Variants in TMX3 observed in about 807,000 individuals in gnomAD.
TMX3 encodes the protein thioredoxin related transmembrane protein 3.
TMX3 carries 40 observed loss-of-function variants against 64.4 expected under a neutral mutation model. The observed-to-expected ratio is 0.62, with a 90% CI of 0.48 to 0.81. TMX3 has a LOEUF of 0.81. Ranked by LOEUF, TMX3 falls within the 30% of genes least tolerant of loss-of-function variation. The pLI, the probability that TMX3 is intolerant of heterozygous loss-of-function variation, is 0.00. For missense variants in TMX3, 497 were observed against 534.5 expected (o/e 0.93, Z 0.69); for synonymous variants, 189 against 175.7 (o/e 1.08, Z -0.60).
intron 4 of TMX3, among the ~76,000 whole-genome samples, chr18:68,708,009 GTA>G (rs543494042): frequency 2.1e-5 from 3 of 142,492 alleles, no homozygotes; most frequent in South Asian, 2.1e-4. Flanking sequence ...ATATATATGT[GTA>G]TATGTGTATA....
chr18:68,707,945 A>G (rs1303482407), intron 4 of TMX3, among the ~76,000 whole-genome samples: 21 of 150,718 alleles, frequency 1.4e-4, no homozygotes, highest in Admixed American at 1.4e-3. Context: ...ATGTGTATAT[A>G]TATGTGTATA....
chr18:68,710,216 T>G, intron 3 of TMX3, 72 bp from the exon 4 acceptor site: 2 of 1,264,516 alleles, frequency 1.6e-6, no homozygotes, highest in Non-Finnish European at 2.1e-6. Flanking sequence ...TAAATATGAA[T>G]CTTAATATTT....
At chr18:68,684,138 C>T in intron 12 of TMX3, 52 bp downstream of exon 12, 1 of 1,370,336 alleles carries the variant, frequency 7.3e-7, no homozygotes, top group South Asian at 1.2e-5. Context: ...TACTAAATTA[C>T]AAAATGGTAT....
In TMX3 at chr18:68,681,047, A is replaced by T; in HGVS notation, c.969T>A (p.Asp323Glu). 1 of 1,603,878 alleles carries T rather than the reference A, an allele frequency of 6.2e-7. No individual in the cohort carries two copies. Among genetic ancestry groups the T allele is most frequent in the Non-Finnish European group, 8.5e-7 (1 of 1,175,562 alleles). ...NTSNQQYFLL[D>E]RQIKNVEDMV... ...TGTCTTCAACATTCTTAATCTGTCT[A>T]TCTAGCAAGAAATATTGCTGGTTTG... The change falls in exon 14 of 16, where the codon GAT becomes GAA. Residue 323 changes from aspartate (D) to glutamate (E), a missense_variant. By Grantham distance (45) the Asp-to-Glu change is conservative. This residue lies in a region of TMX3 where 360 missense variants were observed against 383.5 expected (regional missense o/e 0.94). Transcript: ENST00000299608.
At chr18:68,686,412 T>A (rs1195221341) in intron 10 of TMX3, among the ~76,000 whole-genome samples, 1 of 152,042 alleles carries the variant, frequency 6.6e-6, no homozygotes, top group East Asian at 1.9e-4. Flanking sequence ...TTCATGTGAG[T>A]CTGAAAGAAT....
At chr18:68,708,709 G>A (rs1248544842) in intron 4 of TMX3, among the ~76,000 whole-genome samples, 1 of 152,128 alleles carries the variant, frequency 6.6e-6, no homozygotes, top group African/African-American at 2.4e-5. Flanking sequence ...TCACAAAAAT[G>A]TGTATTACCT....
intron 10 of TMX3, chr18:68,686,936 T>G (rs1461637202): frequency 1.0e-6 from 1 of 983,718 alleles, no homozygotes; most frequent in African/African-American, 1.8e-5. Flanking sequence ...GATTTAAGAG[T>G]AGGCAATCAT....
chr18:68,711,223 A>G (rs931066639), intron 3 of TMX3, 141 bp downstream of exon 3: 1 of 486,244 alleles, frequency 2.1e-6, no homozygotes, highest in Admixed American at 3.6e-5. Context: ...TAAAATCTCA[A>G]ATATAGTAAT....
intron 14 of TMX3, 58 bp downstream of exon 14, chr18:68,680,923 C>T (rs1339207241): frequency 7.0e-7 from 1 of 1,428,848 alleles, no homozygotes; most frequent in Non-Finnish European, 9.2e-7. Flanking sequence ...AAGAAATGAA[C>T]TAGTTTCTCC....
chr18:68,712,965 C>A (rs2031436165), intron 2 of TMX3, among the ~76,000 whole-genome samples: 2 of 148,398 alleles, frequency 1.3e-5, no homozygotes, highest in South Asian at 4.2e-4. Context: ...ACAATCACAG[C>A]TTTATTCACT....
intron 3 of TMX3, among the ~76,000 whole-genome samples, chr18:68,710,432 G>T (rs576977867): frequency 2.0e-5 from 3 of 152,064 alleles, no homozygotes; most frequent in African/African-American, 7.2e-5. Flanking sequence ...TACTTCCAAG[G>T]AAATGTTCTA....
rs11315775 is a variant in TMX3, at chr18:68,682,708, A to AT, written c.905+216dup. ...CTAGAAAACATTAAATCAGGAGATA[A>AT]TTTTTTTTTTTTTTTACTATAGACC... On this transcript the variant is annotated intron_variant, in intron 13 of 15. Transcript: ENST00000299608. Among the ~76,000 whole-genome samples, 859 of 143,426 alleles carry AT rather than the reference A, an allele frequency of 6.0e-3. 7 individuals carry two copies. The highest frequency in any genetic ancestry group is 0.013 in the African/African-American group (501 of 39,646). The allele number at this position is 143,426 out of a possible 152,430, so 94.1% of individuals were successfully genotyped here.
chr18:68,700,430 T>C lies in TMX3; in HGVS notation c.367A>G (p.Ile123Val), dbSNP rs1460496426. Residue 123 changes from isoleucine (I) to valine (V), a missense_variant, in exon 6 of 16, where the codon ATT (isoleucine) becomes GTT (valine). By Grantham distance (29) the Ile-to-Val change is conservative (BLOSUM62 3). Around this residue, in one of 3 missense-constraint regions of TMX3, gnomAD observed 360 missense variants for 383.5 expected, o/e 0.94. Transcript: ENST00000299608. ...CCAGATACTCTGTGAGCAAACTCAA[T>C]AATATCATCTTTTGTTCGTGGTCCT... is the stretch of plus-strand genomic sequence containing the variant. ...YRGPRTKDDI[I>V]EFAHRVSGAL... The C allele has an allele frequency of 6.3e-7, 1 of 1,581,392 alleles. No individual in the cohort carries two copies. The highest frequency in any genetic ancestry group is 8.6e-7 in the Non-Finnish European group (1 of 1,165,336).
At chr18:68,697,575 G>T in intron 7 of TMX3, 1 of 334,802 alleles carries the variant, frequency 3.0e-6, no homozygotes, top group South Asian at 1.0e-4. Flanking sequence ...TTATAAATTA[G>T]ACAAAATGAT....
At position 68,711,351 on chromosome 18, in the gene TMX3, T is replaced by C; in HGVS notation, c.141+13A>G. On this transcript the variant is annotated intron_variant, in intron 3 of 15. Transcript: ENST00000299608. ...AGGGGTGGGTAATTAGCATATAAAA[T>C]TTACATACTTACATCTACAAGCCAA... The C allele has an allele frequency of 6.3e-7, 1 of 1,575,718 alleles. No homozygotes were observed. Among genetic ancestry groups the C allele is most frequent in the Non-Finnish European group, 8.7e-7 (1 of 1,156,008 alleles).
At chr18:68,686,514 T>A (rs1316144970) in intron 10 of TMX3, among the ~76,000 whole-genome samples, 1 of 151,978 alleles carries the variant, frequency 6.6e-6, no homozygotes, top group East Asian at 1.9e-4. Context: ...ATCGAGCCCA[T>A]CCTGGCCAAC....
intron 6 of TMX3, 37 bp from the exon 7 acceptor site, chr18:68,698,068 T>C (rs375159200): frequency 1.8e-5 from 24 of 1,345,400 alleles, no homozygotes; most frequent in Non-Finnish European, 2.4e-5. Context: ...ACTTGAATTA[T>C]AAACTAAAGT....
At chr18:68,709,205 A>T (rs1055954089) in intron 4 of TMX3, among the ~76,000 whole-genome samples, 3 of 152,172 alleles carry the variant, frequency 2.0e-5, no homozygotes, top group Non-Finnish European at 4.4e-5. Flanking sequence ...GTTACACAGC[A>T]AAAGTAGCAG....
In TMX3 at chr18:68,677,092, A is replaced by G; in HGVS notation, c.1206T>C (p.Asp402=). 1.2e-6 allele frequency: 2 copies of G among 1,613,736 alleles called. No individual in the cohort carries two copies. The highest frequency in any genetic ancestry group is 1.7e-6 in the Non-Finnish European group (2 of 1,179,766). ...CATATCGTTCTTCTATATAACCTCCATCTGTGTCGGCTGTGTAGATTCCAT... is the reference window on the plus strand; with the variant it reads ...CATATCGTTCTTCTATATAACCTCCGTCTGTGTCGGCTGTGTAGATTCCAT... ...MCYGIYTADT[D]GGYIEERYEV... is the part of the protein sequence containing the mutation. Residue 402 remains aspartate (D), a synonymous_variant, in exon 16 of 16, where the codon GAT becomes GAC. Transcript: ENST00000299608.
Sources: gnomAD v4.1 joint callset for allele counts (sites outside exome capture counted in the v4.1 genomes callset) on GRCh38, gnomAD v4.1.1 for gene constraint, gnomAD v4.1.1 regional missense constraint, MANE v1.5 for transcripts, NCBI Gene and HGNC (gene_info 2026-07-23, HGNC 2026-07-21) for gene names.